The following LRRC56 variants were observed in gnomAD, a reference collection of about 807,000 sequenced individuals.
The protein encoded by LRRC56 is leucine-rich repeat-containing protein 56.
In LRRC56, 41 loss-of-function variants were observed where a neutral mutation model predicts 47.8. That is an observed-to-expected ratio of 0.86 (90% CI 0.67 to 1.11). The LOEUF (loss-of-function observed/expected upper bound fraction) is 1.11. Ranked by LOEUF, LRRC56 falls within the 50% of genes most tolerant of loss-of-function variation. LRRC56 has a pLI of 0.00. For missense variants in LRRC56, 759 were observed against 704.2 expected (o/e 1.08, Z -0.88); for synonymous variants, 387 against 311.2 (o/e 1.24, Z -2.56).
In LRRC56 at chr11:552,212, C is replaced by T. The variant is rs774534657; in HGVS notation, c.1161C>T (p.Ala387=). 1.9e-6 allele frequency: 3 copies of T among 1,611,874 alleles called. No homozygotes were observed. In the Admixed American group the frequency reaches 5.0e-5, roughly 27 times the overall value. The change falls in exon 12 of 14, where the codon GCC becomes GCT. Residue 387 remains alanine, a synonymous_variant. Transcript: ENST00000270115. ...SDFLALAGLR[A]WREHGVRPLP... is the part of the protein sequence containing the mutation. Reference sequence around the variant, plus strand: ...TCCTGGCCTTGGCTGGGCTCAGGGCCTGGAGGGAACATGGCGTGCGGTGGG... The same window carrying T: ...TCCTGGCCTTGGCTGGGCTCAGGGCTTGGAGGGAACATGGCGTGCGGTGGG...
chr11:510,431 A>C, the LRRC56 span, among the ~76,000 whole-genome samples: 1 of 150,898 alleles, frequency 6.6e-6, no homozygotes, highest in African/African-American at 2.4e-5. Context: ...GTGAAACCCC[A>C]TCTCTACTAA....
At chr11:514,076 C>G in the LRRC56 span, among the ~76,000 whole-genome samples, 1 of 152,170 alleles carries the variant, frequency 6.6e-6, no homozygotes, top group Non-Finnish European at 1.5e-5. Flanking sequence ...ACTGCAACCT[C>G]CGCCTCCCAG....
Position 549,951 on chromosome 11 carries a change from T to A in LRRC56, c.376T>A (p.Cys126Ser). The change falls in exon 7 of 14, where the codon TGT becomes AGT. Residue 126 changes from cysteine to serine, a missense_variant. Coordinates refer to ENST00000270115, the MANE Select transcript of LRRC56 (RefSeq NM_198075.4). ...GHLQVLWLAR[C>S]GLADLDGIAS... ...CCTGCAGGTGCTGTGGCTGGCTCGC[T>A]GTGGCCTCGCTGACCTGGATGGCAT... The A allele has an allele frequency of 6.2e-7, 1 of 1,612,862 alleles. No homozygotes were observed. Among genetic ancestry groups the A allele is most frequent in the South Asian group, 1.1e-5 (1 of 91,076 alleles).
chr11:540,553 G>A, intron 3 of LRRC56, 121 bp from the exon 4 acceptor site: 1 of 766,632 alleles, frequency 1.3e-6, no homozygotes. Flanking sequence ...CGGGGTGGGG[G>A]TGGGTGCCAA....
At chr11:544,698 T>C (rs1325850347) in intron 5 of LRRC56, 22 bp from the exon 6 acceptor site, 1 of 1,611,212 alleles carries the variant, frequency 6.2e-7, no homozygotes, top group Non-Finnish European at 8.5e-7. Context: ...CGGGCCAACC[T>C]CCTCCTCCTG....
upstream of LRRC56, chr11:534,121 G>A (rs1851305281): frequency 8.2e-7 from 1 of 1,218,126 alleles, no homozygotes; most frequent in Non-Finnish European, 1.2e-6. Flanking sequence ...CACCATGCAG[G>A]GGACCAGGGG....
In LRRC56 at chr11:544,794, G is replaced by A. The variant is rs373516944; in HGVS notation, c.326+14G>A. On this transcript the variant is annotated intron_variant, in intron 6 of 13. Transcript: ENST00000270115. ...GGGCTCCCTGAGGTGAGCGCCTGAGGGGGGTGGGCTGGGGCCCTGCCATGA... is the reference window on the plus strand; with the variant it reads ...GGGCTCCCTGAGGTGAGCGCCTGAGAGGGGTGGGCTGGGGCCCTGCCATGA... The A allele has an allele frequency of 2.4e-5, 39 of 1,611,750 alleles. No individual in the cohort carries two copies. The highest frequency in any genetic ancestry group is 3.2e-5 in the Non-Finnish European group (38 of 1,179,662).
chr11:525,411 C>T, the LRRC56 span, among the ~76,000 whole-genome samples: 228 of 151,046 alleles, frequency 1.5e-3, no homozygotes, highest in African/African-American at 5.1e-3. Context: ...TGGTGGCGGC[C>T]GCCTGTAGTC....
upstream of LRRC56, chr11:532,815 G>T (rs201448785): frequency 6.5e-7 from 1 of 1,549,438 alleles, no homozygotes; most frequent in Non-Finnish European, 8.9e-7. Flanking sequence ...CTGGGTGAGG[G>T]GCTCCCTGCT....
chr11:527,606 A>G, the LRRC56 span, among the ~76,000 whole-genome samples: 2 of 151,574 alleles, frequency 1.3e-5, no homozygotes, highest in East Asian at 3.9e-4. Flanking sequence ...ATCTTGGCTC[A>G]CTGCAAGCTC....
At chr11:532,875 T>TC, upstream of LRRC56, 2 of 972,860 alleles carry the variant, frequency 2.1e-6, no homozygotes, top group Non-Finnish European at 3.2e-6. Context: ...ACCAGCCACT[T>TC]CCCCAGGCCC....
chr11:552,975 G>A (rs531205748), intron 13 of LRRC56, among the ~76,000 whole-genome samples: 10 of 152,164 alleles, frequency 6.6e-5, no homozygotes, highest in Non-Finnish European at 1.2e-4. Context: ...CACAAAAGGG[G>A]GTATGAACAG....
At chr11:533,460 G>A, upstream of LRRC56, 1 of 1,613,320 alleles carries the variant, frequency 6.2e-7, no homozygotes, top group African/African-American at 1.3e-5. Context: ...CACCTGCCGG[G>A]TCTTGGCCGA....
chr11:533,425 C>T (rs761905167), upstream of LRRC56: 13 of 1,611,156 alleles, frequency 8.1e-6, no homozygotes, highest in Non-Finnish European at 1.1e-5. Flanking sequence ...GGGTCCCTGG[C>T]TAGCTGTGGG....
chr11:552,818 G>T lies in LRRC56; in HGVS notation c.1315+116G>T. The T allele has an allele frequency of 6.7e-6, 6 of 900,942 alleles. No homozygotes were observed. The South Asian group carries it at 8.9e-5, about 13-fold the overall frequency. The allele number at this position is 900,942 out of a possible 1,614,324, so 55.8% of individuals were successfully genotyped here. ...AACCTGGCCCTGCTTCCTCAGCCATGCTCTGAGAGGGACTGTAACAGGGAG... is the reference window on the plus strand; with the variant it reads ...AACCTGGCCCTGCTTCCTCAGCCATTCTCTGAGAGGGACTGTAACAGGGAG... On this transcript the variant is annotated intron_variant, in intron 13 of 13. Coordinates refer to ENST00000270115, the MANE Select transcript of LRRC56 (RefSeq NM_198075.4).
At chr11:542,344 G>A (rs1282585021) in intron 5 of LRRC56, among the ~76,000 whole-genome samples, 1 of 152,120 alleles carries the variant, frequency 6.6e-6, no homozygotes, top group African/African-American at 2.4e-5. Flanking sequence ...AGGCACAGGG[G>A]CCACGCCTGT....
intron 6 of LRRC56, among the ~76,000 whole-genome samples, 180 bp downstream of exon 6, chr11:544,960 TG>T (rs2134038880): frequency 6.9e-6 from 1 of 145,510 alleles, no homozygotes; most frequent in South Asian, 2.2e-4. Context: ...CTGTGGAGGG[TG>T]GATGGGCAGG....
At chr11:522,501 C>T in the LRRC56 span, among the ~76,000 whole-genome samples, 9 of 152,106 alleles carry the variant, frequency 5.9e-5, no homozygotes, top group Admixed American at 2.0e-4. Flanking sequence ...CTCCTGACCT[C>T]GTGATTCGCC....
rs937914016 is a variant in LRRC56, at chr11:554,689, G to A, written c.*413G>A. The stretch of plus-strand genomic sequence containing the variant: ...CAGGGTAAGAGCCACCTCCTAGGCC[G>A]CAGTGGCCCAAGGTCCCAGCTGCTC... On this transcript the variant is annotated 3_prime_UTR_variant, in exon 14 of 14. Transcript: ENST00000270115. 6.6e-5 allele frequency: 28 copies of A among 426,382 alleles called. No homozygotes were observed. Among genetic ancestry groups the A allele is most frequent in the East Asian group, 5.5e-4 (13 of 23,558 alleles). The allele number at this position is 426,382 out of a possible 1,614,324, so 26.4% of individuals were successfully genotyped here.
Sources: gnomAD v4.1 joint callset for allele counts (sites outside exome capture counted in the v4.1 genomes callset) on GRCh38, gnomAD v4.1.1 for gene constraint, MANE v1.5 for transcripts, NCBI Gene and HGNC (gene_info 2026-07-23, HGNC 2026-07-21) for gene names.